Variants in NCOR2 observed in about 807,000 individuals in gnomAD.
NCOR2 encodes nuclear receptor corepressor 2, also known as CTG repeat protein 26.
A neutral mutation model predicts 262.9 loss-of-function variants in NCOR2; 81 were observed. The ratio of observed to expected loss-of-function variants is 0.31; its 90% CI spans 0.26 to 0.37. The LOEUF is 0.37. Ranked by LOEUF, NCOR2 falls within the 10% of genes least tolerant of loss-of-function variation. The pLI is 1.00. For missense variants in NCOR2, 3,385 were observed against 3,621.4 expected (o/e 0.93, Z 1.68); for synonymous variants, 1,659 against 1,559.3 (o/e 1.06, Z -1.51).
chr12:124,351,805 G>C (rs1011276454), intron 27 of NCOR2, among the ~76,000 whole-genome samples: 5 of 152,178 alleles, frequency 3.3e-5, no homozygotes, highest in African/African-American at 1.2e-4. Flanking sequence ...TGGCACAGAC[G>C]ACGGGTCCCC....
intron 5 of NCOR2, among the ~76,000 whole-genome samples, chr12:124,461,529 C>T (rs536445910): frequency 1.3e-5 from 2 of 152,368 alleles, no homozygotes; most frequent in East Asian, 3.9e-4. Flanking sequence ...CCTATGCAGA[C>T]GGGTCCACGG....
At chr12:124,480,247 G>A (rs1364526415) in intron 3 of NCOR2, among the ~76,000 whole-genome samples, 2 of 152,214 alleles carry the variant, frequency 1.3e-5, no homozygotes, top group Non-Finnish European at 2.9e-5. Context: ...CCCTGAGGCT[G>A]CTAAGGAGCT....
At position 124,400,593 on chromosome 12, in the gene NCOR2, C is replaced by A. The variant is rs773321751; in HGVS notation, c.1721G>T (p.Ser574Ile). Residue 574 changes from serine to isoleucine, a missense_variant, in exon 15 of 47, where the codon AGC becomes ATC. Ser to Ile is a moderately radical substitution (Grantham distance 142). Coordinates refer to ENST00000405201, the Ensembl canonical transcript of NCOR2. ...GATGCGGCCTTTGCGTCTTCCCTGG[C>A]TGTTGGCAGTTTTGCGGCCTTTGGA... 1.2e-5 allele frequency: 19 copies of A among 1,614,096 alleles called. No homozygotes were observed. In the Admixed American group the frequency reaches 1.5e-4, roughly 13 times the overall value.
intron 13 of NCOR2, among the ~76,000 whole-genome samples, chr12:124,417,151 G>GAGAGCAGACCAGACACTCACTCCACGC (rs2042937587): frequency 2.4e-5 from 3 of 126,690 alleles, no homozygotes; most frequent in Non-Finnish European, 4.9e-5. Flanking sequence ...TCACTCCACG[G>GAGAGCAGACCAGACACTCACTCCACGC]AGAGCAGGCC....
At position 124,346,621 on chromosome 12, in the gene NCOR2, C is replaced by G. The variant is rs761589723; in HGVS notation, c.4302G>C (p.Arg1434=). ...GGGCCAGGGGCAGCTCGGGCGTGTG[C>G]CGCAGCTCCTCGCGCGGGATCTCAT... Residue 1434 remains arginine, a synonymous_variant, in exon 31 of 47, where the codon CGG becomes CGC. Transcript: ENST00000405201. 1.8e-5 allele frequency: 29 copies of G among 1,593,880 alleles called. No homozygotes were observed. The Admixed American group carries it at 4.9e-4, about 27-fold the overall frequency.
At chr12:124,355,101 GC>G in intron 24 of NCOR2, 162 bp from the exon 27 acceptor site, 1 of 652,476 alleles carries the variant, frequency 1.5e-6, no homozygotes, top group South Asian at 1.9e-5. Context: ...CCAAGCCTCG[GC>G]CCCCTCCCCT....
At chr12:124,427,415 C>T (rs893181343) in intron 10 of NCOR2, among the ~76,000 whole-genome samples, 5 of 152,200 alleles carry the variant, frequency 3.3e-5, no homozygotes, top group Non-Finnish European at 7.4e-5. Flanking sequence ...TATTAAGAGG[C>T]TCTGAGCCGC....
intron 6 of NCOR2, among the ~76,000 whole-genome samples, chr12:124,455,173 A>G (rs764667616): frequency 4.6e-5 from 7 of 152,236 alleles, no homozygotes; most frequent in Non-Finnish European, 8.8e-5. Flanking sequence ...TGACAGTTGC[A>G]CACATCTGTG....
At chr12:124,339,901 A>ATACCTCCC in intron 37 of NCOR2, 105 bp downstream of exon 39, 5 of 186,842 alleles carry the variant, frequency 2.7e-5, no homozygotes, top group Non-Finnish European at 4.0e-5. Flanking sequence ...CTGCCCACCC[A>ATACCTCCC]CCCACCTCCC....
chr12:124,525,486 G>A lies in NCOR2; in HGVS notation c.-118+10079C>T, dbSNP rs150221116. On this transcript the variant is annotated intron_variant, in intron 1 of 46. Coordinates refer to the NCOR2 transcript ENST00000404621. ...TGTGTGATCCATAAGGCAAAGCGCC[G>A]CATCTTGTTTGCTGTTTGCCATCCC... Among the ~76,000 whole-genome samples, 27 of 152,324 alleles carry A rather than the reference G, an allele frequency of 1.8e-4. No homozygotes were observed. In the East Asian group the frequency reaches 4.8e-3, roughly 27 times the overall value.
chr12:124,406,020 G>T (rs1413369629), intron 13 of NCOR2, among the ~76,000 whole-genome samples: 7 of 152,216 alleles, frequency 4.6e-5, no homozygotes, highest in Non-Finnish European at 2.9e-5. Context: ...CCAAATCTCT[G>T]GGCGGAGACC....
Position 124,440,900 on chromosome 12 carries a change from A to G in NCOR2, c.816-2904T>C, listed in dbSNP as rs1300997372. On this transcript the variant is annotated intron_variant, in intron 7 of 46. Transcript: ENST00000405201. This position sits in a 1 kb window ranked among gnomAD's most constrained non-coding sequence, Gnocchi z 5.7. ...GGGAACTCCAGCTGGAGGGCACCGC[A>G]GGAGACAGGAACAAACTCTGTGTAT... is the stretch of plus-strand genomic sequence containing the variant. Among the ~76,000 whole-genome samples, 1 of 152,174 alleles carries G rather than the reference A, an allele frequency of 6.6e-6. No homozygotes were observed. The highest frequency in any genetic ancestry group is 1.5e-5 in the Non-Finnish European group (1 of 68,022).
chr12:124,330,603 C>T (rs970543424), intron 44 of NCOR2, among the ~76,000 whole-genome samples: 4 of 152,222 alleles, frequency 2.6e-5, no homozygotes, highest in Admixed American at 6.5e-5. Context: ...TACTTACTAA[C>T]CACCCGAGGG....
chr12:124,421,716 G>A (rs1047225890), intron 12 of NCOR2, among the ~76,000 whole-genome samples: 9 of 152,206 alleles, frequency 5.9e-5, no homozygotes, highest in African/African-American at 1.9e-4. Context: ...ACACACGGAC[G>A]GCAGCCTTTC....
chr12:124,409,576 A>C (rs1029415282), intron 13 of NCOR2, among the ~76,000 whole-genome samples: 1 of 152,102 alleles, frequency 6.6e-6, no homozygotes, highest in Admixed American at 6.5e-5. Context: ...CGCATGGTCC[A>C]AGTCCCCCAT....
intron 31 of NCOR2, among the ~76,000 whole-genome samples, chr12:124,345,368 A>G (rs2135851051): frequency 6.6e-6 from 1 of 152,204 alleles, no homozygotes; most frequent in East Asian, 1.9e-4. Flanking sequence ...ACCCAGACCC[A>G]ATACTACCCG....
chr12:124,439,103 GGA>G (rs1191612605), intron 7 of NCOR2, among the ~76,000 whole-genome samples: 2 of 86,790 alleles, frequency 2.3e-5, no homozygotes, highest in Non-Finnish European at 4.6e-5. Flanking sequence ...AGAGACAGAG[GGA>G]GAGACAGAGA....
chr12:124,345,675 C>A (rs151213788), intron 31 of NCOR2, among the ~76,000 whole-genome samples: 39 of 152,336 alleles, frequency 2.6e-4, no homozygotes, highest in African/African-American at 8.9e-4. Flanking sequence ...CTTGGTCATG[C>A]GGTGGATGCT....
chr12:124,388,497 G>C (rs2040985799), intron 16 of NCOR2, among the ~76,000 whole-genome samples: 1 of 152,178 alleles, frequency 6.6e-6, no homozygotes, highest in African/African-American at 2.4e-5. Context: ...GCTTCCAGGA[G>C]AGCTTCAGCC....
Sources: gnomAD v4.1 joint callset for allele counts (sites outside exome capture counted in the v4.1 genomes callset) on GRCh38, gnomAD v4.1.1 for gene constraint, Gnocchi (gnomAD v3.1) non-coding constraint, MANE v1.5 for transcripts, NCBI Gene and HGNC (gene_info 2026-07-23, HGNC 2026-07-21) for gene names.